NKAIN2: variants seen among roughly 807,000 people sequenced by gnomAD.
NKAIN2 encodes the protein sodium/potassium-transporting ATPase subunit beta-1-interacting protein 2.
NKAIN2 carries 14 observed loss-of-function variants against 32.6 expected under a neutral mutation model. The ratio of observed to expected loss-of-function variants is 0.43; its 90% confidence interval spans 0.28 to 0.67. NKAIN2 has a LOEUF of 0.67. Ranked by LOEUF, NKAIN2 falls within the 30% of genes least tolerant of loss-of-function variation. The pLI, the probability that NKAIN2 is intolerant of heterozygous loss-of-function variation, is 0.17. For missense variants in NKAIN2, 198 were observed against 258.3 expected, an observed-to-expected ratio of 0.77 and a Z score of 1.60; for synonymous variants, 80 against 87.2, an observed-to-expected ratio of 0.92 and a Z score of 0.46.
chr6:124,350,393 G>C (rs1241993713), intron 2 of NKAIN2, among the ~76,000 whole-genome samples: 1 of 151,960 alleles, frequency 6.6e-6, no homozygotes, highest in Non-Finnish European at 1.5e-5. Context: ...ATATAGATAA[G>C]TGCCAGCTAC....
intron 1 of NKAIN2, among the ~76,000 whole-genome samples, chr6:124,006,719 T>C (rs752393992): frequency 2.0e-5 from 3 of 152,158 alleles, no homozygotes; most frequent in Non-Finnish European, 4.4e-5. Flanking sequence ...CAGGATGCTG[T>C]ACTCTGGTGG....
intron 3 of NKAIN2, among the ~76,000 whole-genome samples, chr6:124,590,145 T>A (rs1781857671): frequency 6.6e-6 from 1 of 152,180 alleles, no homozygotes; most frequent in Admixed American, 6.5e-5. Context: ...TAGTCACTAA[T>A]TATGTTAAAT....
At chr6:124,323,489 C>T (rs1166191036) in intron 2 of NKAIN2, among the ~76,000 whole-genome samples, 2 of 152,110 alleles carry the variant, frequency 1.3e-5, no homozygotes, top group African/African-American at 4.8e-5. Flanking sequence ...CAGTTTAGGT[C>T]AAGGCTCATT....
chr6:124,133,750 A>G (rs887360639), intron 1 of NKAIN2, among the ~76,000 whole-genome samples: 1 of 152,078 alleles, frequency 6.6e-6, no homozygotes. Context: ...AGCACAGAAG[A>G]CTCTATAACT....
chr6:124,825,557 A>G lies in NKAIN2; in HGVS notation c.*2328A>G, dbSNP rs1442625156. On this transcript the variant is annotated 3_prime_UTR_variant, in exon 7 of 7. Coordinates refer to ENST00000368417, the MANE Select transcript of NKAIN2 (RefSeq NM_001040214.3). ...TGTGTCCTTTTTTTTTGCATTTGTT[A>G]ATTCTGAATGTATTTTTAACAGAAT... is the stretch of plus-strand genomic sequence containing the variant. 1 of 152,448 alleles carries G rather than the reference A, an allele frequency of 6.6e-6. No individual in the cohort carries two copies. Among genetic ancestry groups the G allele is most frequent in the African/African-American group, 2.4e-5 (1 of 41,380 alleles). The allele number at this position is 152,448 out of a possible 1,614,324, so 9.4% of individuals were successfully genotyped here.
chr6:123,937,235 G>A (rs1776555741), intron 1 of NKAIN2, among the ~76,000 whole-genome samples: 1 of 152,114 alleles, frequency 6.6e-6, no homozygotes, highest in African/African-American at 2.4e-5. Flanking sequence ...ACTCTGGAAA[G>A]TTAAAACCAT....
At chr6:124,615,920 TTTTAA>T (rs1782870004) in intron 3 of NKAIN2, among the ~76,000 whole-genome samples, 1 of 152,238 alleles carries the variant, frequency 6.6e-6, no homozygotes. Context: ...AGTTCCAGAA[TTTTAA>T]TTTCTCTTAT....
In NKAIN2 at chr6:124,759,653, ACAC is replaced by A. The variant is rs1344708748; in HGVS notation, c.475-31684_475-31682del. Among the ~76,000 whole-genome samples, 43 of 66,190 alleles carry A rather than the reference ACAC, an allele frequency of 6.5e-4. 2 individuals carry two copies. Among genetic ancestry groups the A allele is most frequent in the African/African-American group, 2.0e-3 (41 of 20,694 alleles). The allele number at this position is 66,190 out of a possible 152,430, so 43.4% of individuals were successfully genotyped here. ...CACACACACACACACACACACACAC[ACAC>A]CCCCTATCTCCCTTTCCTGCCTTAT... On this transcript the variant is annotated intron_variant, in intron 4 of 6. Coordinates refer to ENST00000368417, the MANE Select transcript of NKAIN2 (RefSeq NM_001040214.3).
At chr6:124,243,718 T>TC (rs1793233877) in intron 1 of NKAIN2, among the ~76,000 whole-genome samples, 1 of 151,434 alleles carries the variant, frequency 6.6e-6, no homozygotes, top group African/African-American at 2.5e-5. Flanking sequence ...GCACTTTCTC[T>TC]GCTACCAAAC....
At chr6:124,314,424 T>G (rs1190704033) in intron 2 of NKAIN2, among the ~76,000 whole-genome samples, 1 of 152,142 alleles carries the variant, frequency 6.6e-6, no homozygotes, top group Non-Finnish European at 1.5e-5. Flanking sequence ...TTGGAAAATG[T>G]GCTCTGAGGT....
intron 1 of NKAIN2, among the ~76,000 whole-genome samples, chr6:124,106,796 A>G (rs1334726328): frequency 1.3e-5 from 2 of 152,170 alleles, no homozygotes; most frequent in Admixed American, 6.5e-5. Flanking sequence ...AGTACCTCCT[A>G]TGTGTGCCAG....
intron 3 of NKAIN2, among the ~76,000 whole-genome samples, chr6:124,510,962 A>T (rs1006426147): frequency 3.3e-5 from 5 of 152,210 alleles, no homozygotes; most frequent in African/African-American, 1.2e-4. Flanking sequence ...ATAAAACAAT[A>T]CATTCATCTC....
intron 3 of NKAIN2, among the ~76,000 whole-genome samples, chr6:124,413,954 G>A (rs554019244): frequency 2.0e-5 from 3 of 151,760 alleles, no homozygotes; most frequent in East Asian, 3.9e-4. Context: ...TTTCTACATA[G>A]ATAATCATGT....
chr6:124,133,031 G>A (rs549478207), intron 1 of NKAIN2, among the ~76,000 whole-genome samples: 30 of 152,264 alleles, frequency 2.0e-4, no homozygotes, highest in African/African-American at 5.5e-4. Flanking sequence ...AGTACTGGGC[G>A]CAGGAGGGAA....
chr6:124,562,788 T>A (rs1178057366), intron 3 of NKAIN2, among the ~76,000 whole-genome samples: 1 of 152,186 alleles, frequency 6.6e-6, no homozygotes, highest in Non-Finnish European at 1.5e-5. Flanking sequence ...CATTTGAATA[T>A]CTACTTGTGC....
chr6:123,980,207 G>T (rs964453714), intron 1 of NKAIN2, among the ~76,000 whole-genome samples: 3 of 152,140 alleles, frequency 2.0e-5, no homozygotes, highest in African/African-American at 7.2e-5. Flanking sequence ...TACCTTATTA[G>T]TGTAGTAACA....
chr6:123,816,015 T>A (rs1296003110), intron 1 of NKAIN2, among the ~76,000 whole-genome samples: 1 of 152,164 alleles, frequency 6.6e-6, no homozygotes, highest in Admixed American at 6.6e-5. Context: ...GGATTATTTA[T>A]CTCCTCATAG....
At chr6:124,176,348 A>G (rs1314315823) in intron 1 of NKAIN2, among the ~76,000 whole-genome samples, 1 of 152,112 alleles carries the variant, frequency 6.6e-6, no homozygotes, top group Non-Finnish European at 1.5e-5. Context: ...TGGTTCCAGG[A>G]CTAGCTAGTC....
At chr6:124,390,555 T>C (rs1773097391) in intron 3 of NKAIN2, among the ~76,000 whole-genome samples, 1 of 152,150 alleles carries the variant, frequency 6.6e-6, no homozygotes, top group South Asian at 2.1e-4. Flanking sequence ...GTTCCTATTT[T>C]CTGTACCAAT....
Sources: gnomAD v4.1 joint callset for allele counts (sites outside exome capture counted in the v4.1 genomes callset) on GRCh38, gnomAD v4.1.1 for gene constraint, MANE v1.5 for transcripts, NCBI Gene and HGNC (gene_info 2026-07-23, HGNC 2026-07-21) for gene names.